Variants in ACADL observed in about 807,000 individuals in gnomAD.
The protein encoded by ACADL is long-chain specific acyl-CoA dehydrogenase, mitochondrial.
A neutral mutation model predicts 56.9 loss-of-function variants in ACADL; 60 were observed. The observed-to-expected ratio is 1.05, with a 90% confidence interval of 0.86 to 1.31. The LOEUF (loss-of-function observed/expected upper bound fraction) is 1.31, where lower values mean the gene tolerates loss of function less well. Ranked by LOEUF, ACADL falls within the 50% of genes most tolerant of loss-of-function variation. ACADL has a pLI of 0.00. For synonymous variants in ACADL, 158 were observed against 179.7 expected, an observed-to-expected ratio of 0.88 and a Z score of 0.97; for missense variants, 484 against 525.5, an observed-to-expected ratio of 0.92 and a Z score of 0.77.
intron 2 of ACADL, chr2:210,218,480 T>A (rs1189633504): frequency 8.6e-6 from 2 of 233,524 alleles, no homozygotes; most frequent in African/African-American, 4.7e-5. Context: ...AGAGACGGGG[T>A]CTTATTATGT....
intron 5 of ACADL, among the ~76,000 whole-genome samples, chr2:210,209,435 T>C (rs926863408): frequency 6.6e-6 from 1 of 152,234 alleles, no homozygotes; most frequent in African/African-American, 2.4e-5. Flanking sequence ...TTGGAAGCGC[T>C]CTCCAATTCT....
chr2:210,195,426 A>T, intron 8 of ACADL, 88 bp from the exon 9 acceptor site: 1 of 1,405,222 alleles, frequency 7.1e-7, no homozygotes, highest in Non-Finnish European at 1.0e-6. Context: ...TTATACAATA[A>T]AAGATCTTTA....
At chr2:210,189,827 A>G (rs1258869605) in intron 10 of ACADL, among the ~76,000 whole-genome samples, 2 of 152,214 alleles carry the variant, frequency 1.3e-5, no homozygotes, top group Non-Finnish European at 2.9e-5. Flanking sequence ...ACTAAAGTAG[A>G]GAGAAGTTAA....
At chr2:210,214,244 G>T (rs1198553027) in intron 4 of ACADL, among the ~76,000 whole-genome samples, 13 of 151,990 alleles carry the variant, frequency 8.6e-5, no homozygotes, top group Non-Finnish European at 1.8e-4. Flanking sequence ...CAGGCAAAAT[G>T]AACCATATTC....
chr2:210,209,994 G>T (rs1014390903), intron 5 of ACADL: 8 of 518,194 alleles, frequency 1.5e-5, no homozygotes, highest in Non-Finnish European at 2.8e-5. Context: ...TAGTGAGGGG[G>T]CATGCAAAAT....
chr2:210,206,172 T>C (rs944816108), intron 5 of ACADL, among the ~76,000 whole-genome samples: 5 of 152,096 alleles, frequency 3.3e-5, no homozygotes, highest in Admixed American at 2.0e-4. Context: ...GCCCGGTGGC[T>C]CACACCTGTA....
At chr2:210,211,411 G>A (rs1025256069) in intron 4 of ACADL, among the ~76,000 whole-genome samples, 1 of 152,118 alleles carries the variant, frequency 6.6e-6, no homozygotes, top group Non-Finnish European at 1.5e-5. Flanking sequence ...CTTTATGTGG[G>A]TGATATGGTT....
intron 8 of ACADL, among the ~76,000 whole-genome samples, chr2:210,197,284 C>T (rs1036288376): frequency 8.6e-5 from 13 of 150,554 alleles, no homozygotes; most frequent in African/African-American, 3.1e-4. Flanking sequence ...GCACCCCACT[C>T]CTTCCATCTC....
intron 5 of ACADL, among the ~76,000 whole-genome samples, chr2:210,208,952 C>A (rs888428906): frequency 6.6e-6 from 1 of 152,168 alleles, no homozygotes; most frequent in Non-Finnish European, 1.5e-5. Flanking sequence ...GCTGAGCAGA[C>A]GAGGTCTGCT....
chr2:210,222,800 G>A (rs568704032), intron 1 of ACADL, among the ~76,000 whole-genome samples: 2 of 152,272 alleles, frequency 1.3e-5, no homozygotes, highest in African/African-American at 4.8e-5. Context: ...ACATGCAGGG[G>A]ACCTTGACCA....
intron 4 of ACADL, 137 bp from the exon 5 acceptor site, chr2:210,210,399 C>T: frequency 4.8e-6 from 3 of 623,022 alleles, no homozygotes; most frequent in Middle Eastern, 4.5e-4. Flanking sequence ...AGAATGTTCA[C>T]ACAATTGCAC....
chr2:210,210,124 G>T, intron 5 of ACADL, 72 bp downstream of exon 5: 1 of 1,147,410 alleles, frequency 8.7e-7, no homozygotes, highest in Non-Finnish European at 1.3e-6. Flanking sequence ...GAATTAATGA[G>T]TTGTCTTTGA....
chr2:210,224,608 A>G (rs1689235544), intron 1 of ACADL: 1 of 985,318 alleles, frequency 1.0e-6, no homozygotes, highest in African/African-American at 1.7e-5. Flanking sequence ...AGATTTGTTG[A>G]TATATCTAAA....
At chr2:210,195,359 A>G in intron 8 of ACADL, 21 bp from the exon 9 acceptor site, 7 of 1,604,398 alleles carry the variant, frequency 4.4e-6, no homozygotes, top group Non-Finnish European at 4.3e-6. Flanking sequence ...AAGGAAATAA[A>G]AGAAAAAAGT....
At chr2:210,218,392 C>A in intron 2 of ACADL, 1 of 350,952 alleles carries the variant, frequency 2.8e-6, no homozygotes, top group East Asian at 6.6e-5. Flanking sequence ...GCAATCCTCC[C>A]ACCTCAGCCT....
rs367621293 is a variant in ACADL, at chr2:210,195,189, C to A, written c.1112+22G>T. On this transcript the variant is annotated intron_variant, in intron 9 of 10. Transcript: ENST00000233710. ...TATCAGTCTGAGCACACACCGCACTCTAATTACTGTAGCATGCATACCAAT... is the reference window on the plus strand; with the variant it reads ...TATCAGTCTGAGCACACACCGCACTATAATTACTGTAGCATGCATACCAAT... The A allele has an allele frequency of 8.1e-6, 13 of 1,613,568 alleles. No homozygotes were observed. The African/African-American group carries it at 1.6e-4, about 20-fold the overall frequency.
intron 5 of ACADL, 186 bp downstream of exon 5, chr2:210,210,010 A>G (rs1410997262): frequency 7.3e-6 from 4 of 551,710 alleles, no homozygotes; most frequent in African/African-American, 1.9e-5. Context: ...AAAATGAAAT[A>G]TAGAAGAAGC....
In ACADL at chr2:210,203,359, G is replaced by A. The variant is rs1247727498; in HGVS notation, c.956C>T (p.Ala319Val). The change falls in exon 8 of 11, where the codon GCT becomes GTT. Residue 319 changes from alanine to valine, a missense_variant. Coordinates refer to ENST00000233710, the MANE Select transcript of ACADL (RefSeq NM_001608.4). ...ETRNYVKQRK[A>V]FGKTVAHLQT... ...TAGGTGAGCAACTGTTTTGCCAAAA[G>A]CTTTTCTTTGTTTAACATAGTTCCT... 1.8e-5 allele frequency: 29 copies of A among 1,613,284 alleles called. No individual in the cohort carries two copies. The highest frequency in any genetic ancestry group is 2.5e-5 in the Non-Finnish European group (29 of 1,179,666).
intron 5 of ACADL, among the ~76,000 whole-genome samples, chr2:210,206,045 CATAATA>C (rs970286376): frequency 6.6e-6 from 1 of 151,860 alleles, no homozygotes; most frequent in African/African-American, 2.4e-5. Flanking sequence ...TAATATTATA[CATAATA>C]ATAATAAACA....
Sources: allele counts gnomAD v4.1 joint callset (sites outside exome capture counted in the v4.1 genomes callset), GRCh38; gene constraint gnomAD v4.1.1; transcripts MANE v1.5; gene names NCBI Gene and HGNC (gene_info 2026-07-23, HGNC 2026-07-21).